SH3GL2: variants seen among roughly 807,000 people sequenced by gnomAD.
SH3GL2 encodes endophilin-A1.
A neutral mutation model predicts 46.0 loss-of-function variants in SH3GL2; 24 were observed. The ratio of observed to expected loss-of-function variants is 0.52; its 90% CI spans 0.38 to 0.73. The LOEUF is 0.73. SH3GL2 is among the 30% of genes least tolerant of loss of function. The pLI is 0.00. For missense variants in SH3GL2, 413 were observed against 424.2 expected (o/e 0.97, Z 0.23); for synonymous variants, 196 against 147.1 (o/e 1.33, Z -2.40).
intron 1 of SH3GL2, among the ~76,000 whole-genome samples, chr9:17,593,396 G>A (rs146450257): frequency 1.9e-3 from 293 of 152,302 alleles, no homozygotes; most frequent in African/African-American, 6.7e-3. Context: ...CCCAGCTGGT[G>A]TCCAGTGGAG....
At chr9:17,596,482 A>T (rs1412361729) in intron 1 of SH3GL2, among the ~76,000 whole-genome samples, 1 of 152,072 alleles carries the variant, frequency 6.6e-6, no homozygotes, top group Non-Finnish European at 1.5e-5. Context: ...ATTTGGTGTG[A>T]GCTGTTCAGC....
chr9:17,704,913 A>G (rs1431675665), intron 1 of SH3GL2, among the ~76,000 whole-genome samples: 9 of 152,124 alleles, frequency 5.9e-5, no homozygotes, highest in African/African-American at 9.7e-5. Flanking sequence ...AGTAATTGCA[A>G]CAAAAACAAA....
At chr9:17,634,766 C>T (rs1230410871) in intron 1 of SH3GL2, among the ~76,000 whole-genome samples, 1 of 152,158 alleles carries the variant, frequency 6.6e-6, no homozygotes, top group African/African-American at 2.4e-5. Flanking sequence ...GTCAGTCAGC[C>T]AACAGCTTTT....
chr9:17,632,107 T>A (rs1819440358), intron 1 of SH3GL2, among the ~76,000 whole-genome samples: 1 of 152,192 alleles, frequency 6.6e-6, no homozygotes, highest in African/African-American at 2.4e-5. Flanking sequence ...GAAAAATCAA[T>A]AATTAGTGTT....
intron 1 of SH3GL2, among the ~76,000 whole-genome samples, chr9:17,680,754 C>CAAAAA (rs1331679697): frequency 3.3e-5 from 5 of 152,080 alleles, no homozygotes; most frequent in Admixed American, 2.6e-4. Flanking sequence ...CCTGCTTTCT[C>CAAAAA]TTGTGGGCAT....
intron 1 of SH3GL2, among the ~76,000 whole-genome samples, chr9:17,618,767 T>C (rs1419781504): frequency 6.7e-6 from 1 of 149,560 alleles, no homozygotes. Context: ...TATATTGAAC[T>C]AAATTTTTGC....
At chr9:17,616,659 A>G (rs1015758545) in intron 1 of SH3GL2, among the ~76,000 whole-genome samples, 2 of 152,188 alleles carry the variant, frequency 1.3e-5, no homozygotes, top group Admixed American at 1.3e-4. Context: ...GCCTTATCAA[A>G]AAGTATTTTC....
chr9:17,599,982 A>G (rs1256824684), intron 1 of SH3GL2, among the ~76,000 whole-genome samples: 1 of 152,060 alleles, frequency 6.6e-6, no homozygotes, highest in Non-Finnish European at 1.5e-5. Flanking sequence ...TGCTTATGAA[A>G]TATAAAATTA....
At chr9:17,692,562 T>C (rs550149554) in intron 1 of SH3GL2, among the ~76,000 whole-genome samples, 1 of 151,820 alleles carries the variant, frequency 6.6e-6, no homozygotes, top group South Asian at 2.1e-4. Context: ...GGAGAATAGC[T>C]TAAAGACAAG....
At chr9:17,601,057 G>A (rs972873317) in intron 1 of SH3GL2, among the ~76,000 whole-genome samples, 2 of 152,088 alleles carry the variant, frequency 1.3e-5, no homozygotes, top group African/African-American at 4.8e-5. Context: ...TAACCATTGT[G>A]TATGTGCACT....
intron 1 of SH3GL2, among the ~76,000 whole-genome samples, chr9:17,582,339 T>G (rs886956572): frequency 6.6e-6 from 1 of 152,216 alleles, no homozygotes; most frequent in Non-Finnish European, 1.5e-5. Context: ...AAGATATAAT[T>G]TACTGTATAA....
At chr9:17,748,176 A>G (rs1309813380) in intron 2 of SH3GL2, among the ~76,000 whole-genome samples, 1 of 149,518 alleles carries the variant, frequency 6.7e-6, no homozygotes, top group Non-Finnish European at 1.5e-5. Flanking sequence ...CTTTTCTTTT[A>G]CTTTAACGCT....
At chr9:17,589,188 T>C (rs1387439098) in intron 1 of SH3GL2, 1 of 152,222 alleles carries the variant, frequency 6.6e-6, no homozygotes, top group Non-Finnish European at 1.5e-5. Context: ...ATGTTCCATG[T>C]GCCTTTTGAA....
intron 1 of SH3GL2, among the ~76,000 whole-genome samples, chr9:17,619,130 A>G (rs553625659): frequency 3.9e-5 from 6 of 152,302 alleles, no homozygotes; most frequent in African/African-American, 1.4e-4. Flanking sequence ...TACCTACTTT[A>G]CAAGTGCAGA....
chr9:17,791,844 G>A (rs1174510383), intron 7 of SH3GL2, among the ~76,000 whole-genome samples: 2 of 152,130 alleles, frequency 1.3e-5, no homozygotes, highest in African/African-American at 4.8e-5. Context: ...TCTGAATGGC[G>A]GTCAAGTCCT....
chr9:17,774,204 C>T (rs757722148), intron 3 of SH3GL2, among the ~76,000 whole-genome samples: 1 of 152,054 alleles, frequency 6.6e-6, no homozygotes, highest in Non-Finnish European at 1.5e-5. Flanking sequence ...TGTGGGAAAT[C>T]TTTAGAGATT....
intron 1 of SH3GL2, among the ~76,000 whole-genome samples, chr9:17,592,342 C>G (rs1818500723): frequency 6.6e-6 from 1 of 152,208 alleles, no homozygotes; most frequent in South Asian, 2.1e-4. Flanking sequence ...AACACCCTGG[C>G]AGACACACAC....
intron 1 of SH3GL2, among the ~76,000 whole-genome samples, chr9:17,622,771 A>C: frequency 6.6e-6 from 1 of 151,984 alleles, no homozygotes; most frequent in Non-Finnish European, 1.5e-5. Flanking sequence ...ACGGTAAGTA[A>C]AGAATAATGG....
chr9:17,725,854 C>G (rs968233614), intron 1 of SH3GL2, among the ~76,000 whole-genome samples: 8 of 152,102 alleles, frequency 5.3e-5, no homozygotes, highest in African/African-American at 1.9e-4. Flanking sequence ...GCACTGGCAG[C>G]CTGCCCCTTT....
Sources: allele counts gnomAD v4.1 joint callset (sites outside exome capture counted in the v4.1 genomes callset), GRCh38; gene constraint gnomAD v4.1.1; transcripts MANE v1.5; gene names NCBI Gene and HGNC (gene_info 2026-07-23, HGNC 2026-07-21).